The following MECOM variants were observed in gnomAD, a reference collection of about 807,000 sequenced individuals.
MECOM encodes the protein histone-lysine N-methyltransferase MECOM.
MECOM carries 13 observed loss-of-function variants against 116.3 expected under a neutral mutation model. That is an observed-to-expected ratio of 0.11 (90% CI 0.07 to 0.18). The LOEUF (loss-of-function observed/expected upper bound fraction) is 0.18, where lower values mean the gene tolerates loss of function less well. MECOM is among the 10% of genes least tolerant of loss of function. The probability of loss-of-function intolerance (pLI) is 1.00; values close to 1 mark genes in which losing one functional copy is unlikely to be tolerated. For synonymous variants in MECOM, 528 were observed against 535.2 expected (o/e 0.99, Z 0.19); for missense variants, 1,299 against 1,509.0 (o/e 0.86, Z 2.31).
chr3:169,301,496 T>G (rs1451485340), intron 2 of MECOM, among the ~76,000 whole-genome samples: 1 of 152,214 alleles, frequency 6.6e-6, no homozygotes, highest in African/African-American at 2.4e-5. Context: ...TGTCCTATGA[T>G]TTTACTTTTT....
intron 2 of MECOM, among the ~76,000 whole-genome samples, chr3:169,248,070 A>G (rs542076321): frequency 6.6e-6 from 1 of 152,372 alleles, no homozygotes; most frequent in East Asian, 1.9e-4. Context: ...TTAAGTATTT[A>G]GGATAGCACC....
At chr3:169,521,359 C>T (rs570347655) in intron 1 of MECOM, among the ~76,000 whole-genome samples, 3 of 152,262 alleles carry the variant, frequency 2.0e-5, no homozygotes, top group Admixed American at 2.0e-4. Flanking sequence ...TTGGTAAATG[C>T]TCACTGTGAT....
At chr3:169,087,595 T>C (rs768124662) in intron 16 of MECOM, among the ~76,000 whole-genome samples, 1 of 151,948 alleles carries the variant, frequency 6.6e-6, no homozygotes, top group Non-Finnish European at 1.5e-5. Flanking sequence ...AGACCCTGTC[T>C]CAAAAACAAA....
intron 1 of MECOM, among the ~76,000 whole-genome samples, chr3:169,387,321 A>C (rs1222264903): frequency 6.6e-6 from 1 of 152,214 alleles, no homozygotes; most frequent in African/African-American, 2.4e-5. Flanking sequence ...AAAAAATGCC[A>C]TTTCACTCGT....
Position 169,324,400 on chromosome 3 carries a change from T to C in MECOM, c.375+56787A>G, listed in dbSNP as rs1311423491. Among the ~76,000 whole-genome samples the C allele has an allele frequency of 2.0e-5, 3 of 152,346 alleles. No homozygotes were observed. The East Asian group carries it at 5.8e-4, about 29-fold the overall frequency. On this transcript the variant is annotated intron_variant, in intron 2 of 16. Transcript: ENST00000651503. ...CCTTTAAGAAAATCATCTTCATGGCTGGAGGATTTCAAACACACATGCTCT... is the reference window on the plus strand; with the variant it reads ...CCTTTAAGAAAATCATCTTCATGGCCGGAGGATTTCAAACACACATGCTCT...
At chr3:169,145,419 C>T (rs1353086155) in intron 2 of MECOM, 1 of 239,776 alleles carries the variant, frequency 4.2e-6, no homozygotes, top group African/African-American at 2.2e-5. Flanking sequence ...AATAGCAATG[C>T]ACATTTTTAA....
chr3:169,605,365 T>A lies in MECOM; in HGVS notation c.37+57971A>T, dbSNP rs79840115. 0.016 allele frequency among the ~76,000 whole-genome samples: 2,406 copies of A among 152,318 alleles called. 219 individuals are homozygous for A. The East Asian group carries it at 0.28, about 18-fold the overall frequency. ...TACACAAAGGAAAAAAGTAGAGTTATATATTTTTAAACTCAGACACATGCT... is the reference window on the plus strand; with the variant it reads ...TACACAAAGGAAAAAAGTAGAGTTAAATATTTTTAAACTCAGACACATGCT... On this transcript the variant is annotated intron_variant, in intron 1 of 16. Transcript: ENST00000651503.
In MECOM at chr3:169,377,608, G is replaced by T. The variant is rs550861282; in HGVS notation, c.375+3579C>A. ...ACTGGTCATTAGAGAAATGCAAATC[G>T]AAACCACAATGAGATACCATCTCAC... On this transcript the variant is annotated intron_variant, in intron 2 of 16. Coordinates refer to ENST00000651503, the MANE Select transcript of MECOM (RefSeq NM_004991.4). Among the ~76,000 whole-genome samples the T allele has an allele frequency of 1.4e-4, 21 of 152,098 alleles. No homozygotes were observed. In the East Asian group the frequency reaches 3.7e-3, roughly 27 times the overall value.
At chr3:169,553,466 G>A (rs1206198583) in intron 1 of MECOM, among the ~76,000 whole-genome samples, 1 of 152,164 alleles carries the variant, frequency 6.6e-6, no homozygotes, top group Non-Finnish European at 1.5e-5. Flanking sequence ...GTACCTATAA[G>A]AGCATTTGAA....
At chr3:169,577,212 T>C (rs769786492) in intron 1 of MECOM, among the ~76,000 whole-genome samples, 1 of 152,214 alleles carries the variant, frequency 6.6e-6, no homozygotes, top group Non-Finnish European at 1.5e-5. Flanking sequence ...AGTTAACGTA[T>C]AAAGAAAACT....
chr3:169,388,977 G>A (rs1292694663), intron 1 of MECOM, among the ~76,000 whole-genome samples: 1 of 152,156 alleles, frequency 6.6e-6, no homozygotes, highest in Non-Finnish European at 1.5e-5. Flanking sequence ...CAAGGGAGAT[G>A]GCAAAGAATG....
intron 1 of MECOM, among the ~76,000 whole-genome samples, chr3:169,535,617 T>G (rs1195691055): frequency 6.6e-6 from 1 of 152,150 alleles, no homozygotes; most frequent in Non-Finnish European, 1.5e-5. Flanking sequence ...CCTCCTTCAT[T>G]TTTCTCAGCA....
At chr3:169,633,540 C>T (rs1772342257) in intron 1 of MECOM, among the ~76,000 whole-genome samples, 1 of 152,158 alleles carries the variant, frequency 6.6e-6, no homozygotes, top group Admixed American at 6.5e-5. Context: ...GTGGGCATCA[C>T]TATACATGGA....
chr3:169,551,912 A>T (rs948776168), intron 1 of MECOM, among the ~76,000 whole-genome samples: 9 of 152,190 alleles, frequency 5.9e-5, no homozygotes, highest in Non-Finnish European at 1.2e-4. Flanking sequence ...TGCAATATGG[A>T]TGAATCTTGA....
chr3:169,306,040 A>G (rs1365705656), intron 2 of MECOM, among the ~76,000 whole-genome samples: 1 of 152,152 alleles, frequency 6.6e-6, no homozygotes, highest in East Asian at 1.9e-4. Context: ...GTACATTGTT[A>G]CCGCTCTGTT....
At chr3:169,105,705 G>C (rs1725174557) in intron 10 of MECOM, among the ~76,000 whole-genome samples, 1 of 152,036 alleles carries the variant, frequency 6.6e-6, no homozygotes, top group South Asian at 2.1e-4. Flanking sequence ...CTATGGAACA[G>C]TAATTTTTAT....
chr3:169,359,143 T>G (rs77236429), intron 2 of MECOM, among the ~76,000 whole-genome samples: 1,614 of 151,910 alleles, frequency 0.011, 11 homozygotes, highest in East Asian at 0.043. Context: ...TCACCTTACC[T>G]GATTATAGTA....
chr3:169,408,577 T>C (rs1737071930), intron 1 of MECOM, among the ~76,000 whole-genome samples: 1 of 152,206 alleles, frequency 6.6e-6, no homozygotes, highest in Non-Finnish European at 1.5e-5. Flanking sequence ...ATGTCTTGAT[T>C]TTTTTAGATG....
chr3:169,493,007 T>C (rs1003030423), intron 1 of MECOM, among the ~76,000 whole-genome samples: 10 of 152,324 alleles, frequency 6.6e-5, no homozygotes, highest in Admixed American at 5.9e-4. Flanking sequence ...TAATCGTACC[T>C]ACCTGTCTTT....
Sources: gnomAD v4.1 joint callset for allele counts (sites outside exome capture counted in the v4.1 genomes callset) on GRCh38, gnomAD v4.1.1 for gene constraint, MANE v1.5 for transcripts, NCBI Gene and HGNC (gene_info 2026-07-23, HGNC 2026-07-21) for gene names.